The following XKR5 variants were observed in gnomAD, a reference collection of about 807,000 sequenced individuals.
The protein encoded by XKR5 is XK-related protein 5.
XKR5 carries 46 observed loss-of-function variants against 40.8 expected under a neutral mutation model. That is an observed-to-expected ratio of 1.13 (90% confidence interval 0.89 to 1.44). The LOEUF (loss-of-function observed/expected upper bound fraction) is 1.44. XKR5 is among the 40% of genes most tolerant of loss of function. The pLI, the probability that XKR5 is intolerant of heterozygous loss-of-function variation, is 0.00. For missense variants in XKR5, 1,169 were observed against 844.7 expected (o/e 1.38, Z -4.76); for synonymous variants, 466 against 356.1 (o/e 1.31, Z -3.48).
rs967836810 is a variant in XKR5, at chr8:6,811,510, G to C, written c.1749C>G (p.Pro583=). ...GKSSPAQPAS[P]HPVGLAPFPD... ...GGAAGGGCGCCAAGCCCACTGGGTGGGGCGATGCAGGCTGGGCAGGGCTGC... is the reference window on the plus strand; with the variant it reads ...GGAAGGGCGCCAAGCCCACTGGGTGCGGCGATGCAGGCTGGGCAGGGCTGC... Residue 583 remains proline (P), a synonymous_variant, in exon 7 of 7, where the codon CCC becomes CCG. Transcript: ENST00000618742. 3 of 1,529,790 alleles carry C rather than the reference G, an allele frequency of 2.0e-6. No individual in the cohort carries two copies. The African/African-American group carries it at 4.1e-5, about 21-fold the overall frequency. The allele number at this position is 1,529,790 out of a possible 1,614,324, so 94.8% of individuals were successfully genotyped here.
At chr8:6,834,766 C>A (rs965156448) in intron 1 of XKR5, among the ~76,000 whole-genome samples, 1 of 145,196 alleles carries the variant, frequency 6.9e-6, no homozygotes. Context: ...GAAGGAGTTA[C>A]GCGTTCAAAC....
intron 5 of XKR5, among the ~76,000 whole-genome samples, chr8:6,816,644 T>C (rs1439227098): frequency 6.8e-6 from 1 of 147,688 alleles, no homozygotes; most frequent in Non-Finnish European, 1.5e-5. Context: ...ATTTAATATA[T>C]ATTTTAATTT....
At chr8:6,830,987 A>G (rs1804739804) in intron 2 of XKR5, among the ~76,000 whole-genome samples, 1 of 152,186 alleles carries the variant, frequency 6.6e-6, no homozygotes, top group Non-Finnish European at 1.5e-5. Context: ...CTCAGAAGGC[A>G]GATTTGTCTA....
intron 3 of XKR5, among the ~76,000 whole-genome samples, 197 bp downstream of exon 3, chr8:6,824,968 A>C (rs1457733762): frequency 6.6e-6 from 1 of 152,246 alleles, no homozygotes; most frequent in Non-Finnish European, 1.5e-5. Context: ...CCCTTAAGAA[A>C]GAAGGGAGCC....
chr8:6,825,198 A>G lies in XKR5; in HGVS notation c.394T>C (p.Phe132Leu). 6.2e-7 allele frequency: 1 copy of G among 1,613,514 alleles called. No individual in the cohort carries two copies. The change falls in exon 3 of 7, where the codon TTT (phenylalanine) becomes CTT (leucine). Residue 132 changes from phenylalanine (F) to leucine (L), a missense_variant. Phe to Leu is a conservative substitution (Grantham distance 22). Transcript: ENST00000618742. The stretch of plus-strand genomic sequence containing the variant: ...ATATCTGTGAAGTCTGAGGCTAGAA[A>G]AACATATGTCTGAAGCAGCAGGTGG... ...GPHLLLQTYV[F>L]LASDFTDIVP... is the part of the protein sequence containing the mutation.
chr8:6,810,027 T>A lies in XKR5; in HGVS notation c.*1171A>T, dbSNP rs1012566086. ...ACTCGAGAGGCTGAGGTGAGAGGAT[T>A]GCTTAAGCCCTGGAGGTTGAGGCTG... On this transcript the variant is annotated 3_prime_UTR_variant, in exon 7 of 7. Coordinates refer to ENST00000618742, the MANE Select transcript of XKR5 (RefSeq NM_207411.5). 27 of 152,182 alleles carry A rather than the reference T, an allele frequency of 1.8e-4. No individual in the cohort carries two copies. Among genetic ancestry groups the A allele is most frequent in the African/African-American group, 6.3e-4 (26 of 41,416 alleles). The allele number at this position is 152,182 out of a possible 1,614,324, so 9.4% of individuals were successfully genotyped here. A position where few individuals can be genotyped will look rare whatever the true frequency, so the allele number is the denominator to read the frequency against.
chr8:6,815,136 G>A (rs934499245), intron 6 of XKR5, among the ~76,000 whole-genome samples: 1 of 152,210 alleles, frequency 6.6e-6, no homozygotes, highest in African/African-American at 2.4e-5. Context: ...TGACAGTGGT[G>A]GAAGCCTGCT....
rs1378562403 is a variant in XKR5 at position 6,832,846 on chromosome 8, A to G, written c.113T>C (p.Leu38Pro). 1.9e-6 allele frequency: 3 copies of G among 1,611,064 alleles called. No individual in the cohort carries two copies. Among genetic ancestry groups the G allele is most frequent in the Admixed American group, 1.7e-5 (1 of 59,478 alleles). Residue 38 changes from leucine to proline, a missense_variant, in exon 2 of 7, where the codon CTG becomes CCG. Coordinates refer to ENST00000618742, the MANE Select transcript of XKR5 (RefSeq NM_207411.5). ...CCCGGGCAGGAGGACAGCAAGGGCC[A>G]GCCACCCCCACAGAAGCCGTCCTGT... The part of the protein sequence containing the change: ...FTTGRLLWGW[L>P]ALAVLLPGFL...
intron 2 of XKR5, among the ~76,000 whole-genome samples, chr8:6,826,832 G>A (rs1426053927): frequency 6.6e-6 from 1 of 152,054 alleles, no homozygotes; most frequent in Non-Finnish European, 1.5e-5. Flanking sequence ...CCGAGAACCA[G>A]GCAGCGGAGA....
intron 2 of XKR5, among the ~76,000 whole-genome samples, chr8:6,830,006 T>G (rs1476857637): frequency 2.0e-5 from 3 of 151,564 alleles, no homozygotes; most frequent in Non-Finnish European, 4.4e-5. Flanking sequence ...CCCGGCTAAT[T>G]TTTTGTATTT....
At chr8:6,825,562 G>A (rs116211005) in intron 2 of XKR5, among the ~76,000 whole-genome samples, 1 of 151,664 alleles carries the variant, frequency 6.6e-6, no homozygotes, top group African/African-American at 2.4e-5. Flanking sequence ...GCTCAGCCAG[G>A]CCACACTCTC....
chr8:6,825,695 C>T (rs548286545), intron 2 of XKR5, among the ~76,000 whole-genome samples: 15 of 152,168 alleles, frequency 9.9e-5, no homozygotes, highest in African/African-American at 3.1e-4. Context: ...AGTCCCACCC[C>T]GGATCCTCTT....
intron 2 of XKR5, among the ~76,000 whole-genome samples, chr8:6,831,250 C>G (rs567063731): frequency 1.3e-5 from 2 of 152,306 alleles, no homozygotes; most frequent in African/African-American, 2.4e-5. Flanking sequence ...CCCTATGAGG[C>G]CCTCCGAAAG....
At chr8:6,814,366 G>C (rs549333703) in intron 6 of XKR5, among the ~76,000 whole-genome samples, 60 of 152,140 alleles carry the variant, frequency 3.9e-4, no homozygotes, top group Middle Eastern at 3.2e-3. Flanking sequence ...AAGTGAACAA[G>C]ACCGATCCCC....
rs1587149673 is a variant in XKR5, at chr8:6,811,765, T to C, written c.1494A>G (p.Ala498=). Residue 498 remains alanine (A), a synonymous_variant, in exon 7 of 7, where the codon GCA becomes GCG. Coordinates refer to ENST00000618742, the MANE Select transcript of XKR5 (RefSeq NM_207411.5). ...GCGTGGCTGCTGGGTTCTGGGTAGGTGCTTCATCCTGCTGATCGCTGGCAA... is the reference window on the plus strand; with the variant it reads ...GCGTGGCTGCTGGGTTCTGGGTAGGCGCTTCATCCTGCTGATCGCTGGCAA... ...VSFASDQQDE[A]PTQNPAATQG... 6.5e-7 allele frequency: 1 copy of C among 1,537,456 alleles called. No individual in the cohort carries two copies. The highest frequency in any genetic ancestry group is 8.7e-7 in the Non-Finnish European group (1 of 1,147,012).
chr8:6,825,666 C>T (rs750143108), intron 2 of XKR5, among the ~76,000 whole-genome samples: 4 of 151,996 alleles, frequency 2.6e-5, no homozygotes, highest in Non-Finnish European at 4.4e-5. Flanking sequence ...CTGTGAAGCT[C>T]GGCAATCACC....
intron 1 of XKR5, among the ~76,000 whole-genome samples, chr8:6,834,196 T>C (rs950137273): frequency 5.3e-5 from 8 of 152,338 alleles, no homozygotes; most frequent in Non-Finnish European, 1.2e-4. Context: ...CACACAGGCA[T>C]CGTTTCACAC....
At position 6,832,807 on chromosome 8, in the gene XKR5, G is replaced by A; in HGVS notation, c.152C>T (p.Ala51Val). 1.2e-6 allele frequency: 2 copies of A among 1,612,990 alleles called. No homozygotes were observed. The highest frequency in any genetic ancestry group is 1.7e-6 in the Non-Finnish European group (2 of 1,179,534). Residue 51 changes from alanine to valine, a missense_variant, in exon 2 of 7, where the codon GCC becomes GTC. Transcript: ENST00000618742. ...AVLLPGFLVQ[A>V]LSYLWFRADG... is the part of the protein sequence containing the mutation. ...TGCTCGGAACCACAGGTAGCTCAGG[G>A]CCTGGACCAAGAACCCGGGCAGGAG...
chr8:6,824,557 G>T (rs568702276), intron 3 of XKR5, among the ~76,000 whole-genome samples: 4 of 152,168 alleles, frequency 2.6e-5, no homozygotes, highest in South Asian at 2.1e-4. Context: ...TTGAGACAGG[G>T]TCTCACTCTG....
Sources: gnomAD v4.1 joint callset for allele counts (sites outside exome capture counted in the v4.1 genomes callset) on GRCh38, gnomAD v4.1.1 for gene constraint, MANE v1.5 for transcripts, NCBI Gene and HGNC (gene_info 2026-07-23, HGNC 2026-07-21) for gene names.